DCLK1: variants seen among roughly 807,000 people sequenced by gnomAD.
DCLK1 encodes doublecortin like kinase 1.
A neutral mutation model predicts 86.2 loss-of-function variants in DCLK1; 16 were observed. The observed-to-expected ratio is 0.19, with a 90% CI of 0.13 to 0.28. DCLK1 has a LOEUF of 0.28. DCLK1 is among the 10% of genes least tolerant of loss of function. DCLK1 has a pLI of 1.00. For missense variants in DCLK1, 590 were observed against 940.2 expected (o/e 0.63, Z 4.87); for synonymous variants, 369 against 370.5 (o/e 1.00, Z 0.05).
At chr13:35,806,043 AAAG>A (rs2153102028) in intron 14 of DCLK1, among the ~76,000 whole-genome samples, 1 of 152,372 alleles carries the variant, frequency 6.6e-6, no homozygotes, top group East Asian at 1.9e-4. Flanking sequence ...TTGTAATAGA[AAAG>A]AAATTATACA....
At chr13:35,923,541 A>G (rs985172881) in intron 4 of DCLK1, among the ~76,000 whole-genome samples, 3 of 152,010 alleles carry the variant, frequency 2.0e-5, no homozygotes, top group Non-Finnish European at 2.9e-5. Context: ...TGGGGGGTAG[A>G]GAGGCTATGG....
At chr13:36,027,921 A>G (rs980090071) in intron 3 of DCLK1, among the ~76,000 whole-genome samples, 3 of 152,074 alleles carry the variant, frequency 2.0e-5, no homozygotes, top group African/African-American at 7.2e-5. Flanking sequence ...TTGCACAGAC[A>G]GGGTTTCCTG....
chr13:35,870,006 T>C (rs1307648423), intron 5 of DCLK1, among the ~76,000 whole-genome samples: 2 of 152,200 alleles, frequency 1.3e-5, no homozygotes, highest in Non-Finnish European at 2.9e-5. Context: ...TCTCATCCTT[T>C]AGCAATGCCT....
chr13:35,988,546 C>A (rs1880053754), intron 3 of DCLK1, among the ~76,000 whole-genome samples: 1 of 152,174 alleles, frequency 6.6e-6, no homozygotes. Flanking sequence ...ATTTATTATA[C>A]CATTTATGAT....
chr13:35,997,111 T>C (rs1467511740), intron 3 of DCLK1, among the ~76,000 whole-genome samples: 1 of 152,198 alleles, frequency 6.6e-6, no homozygotes, highest in African/African-American at 2.4e-5. Flanking sequence ...TCCTTTCTCT[T>C]GGGGCTACAC....
intron 3 of DCLK1, among the ~76,000 whole-genome samples, chr13:35,998,190 A>G (rs1880555219): frequency 6.6e-6 from 1 of 152,178 alleles, no homozygotes; most frequent in Non-Finnish European, 1.5e-5. Context: ...TTAGAAGAAA[A>G]ATTGACTCAC....
rs561857341 is a variant in DCLK1, at chr13:36,079,670, G to A, written c.723+32199C>T. Among the ~76,000 whole-genome samples, 3 of 152,118 alleles carry A rather than the reference G, an allele frequency of 2.0e-5. No individual in the cohort carries two copies. In the East Asian group the frequency reaches 5.8e-4, roughly 29 times the overall value. ...ATAACCTCAAGTTCTGAAGACTAGAGTACTTAGTACCAACAGCATTATCAG... is the reference window on the plus strand; with the variant it reads ...ATAACCTCAAGTTCTGAAGACTAGAATACTTAGTACCAACAGCATTATCAG... On this transcript the variant is annotated intron_variant, in intron 3 of 16. Transcript: ENST00000360631.
At chr13:35,833,560 C>T (rs978419125) in intron 8 of DCLK1, among the ~76,000 whole-genome samples, 2 of 152,158 alleles carry the variant, frequency 1.3e-5, no homozygotes, top group African/African-American at 2.4e-5. Context: ...ATGGACCTAG[C>T]TGCCAAAGAC....
intron 6 of DCLK1, chr13:35,845,857 T>C (rs1870138713): frequency 1.1e-6 from 1 of 914,358 alleles, no homozygotes; most frequent in Non-Finnish European, 1.3e-6. Context: ...AATTTCAGTG[T>C]CTACTTATCA....
At chr13:35,855,939 A>G in intron 5 of DCLK1, 1 of 813,714 alleles carries the variant, frequency 1.2e-6, no homozygotes, top group Non-Finnish European at 1.5e-6. Flanking sequence ...GGTGACTACC[A>G]GGTAATCAGG....
intron 4 of DCLK1, among the ~76,000 whole-genome samples, chr13:35,931,559 C>G (rs1876433902): frequency 1.3e-5 from 2 of 152,044 alleles, no homozygotes; most frequent in African/African-American, 4.8e-5. Context: ...ATTCTCAATG[C>G]TCTTTGAAGC....
intron 1 of DCLK1, among the ~76,000 whole-genome samples, chr13:36,127,225 T>C (rs1386040049): frequency 1.3e-5 from 2 of 152,200 alleles, no homozygotes; most frequent in African/African-American, 4.8e-5. Flanking sequence ...ACATTCAATA[T>C]TTTTAAAAGC....
Position 35,905,486 on chromosome 13 carries a change from G to A in DCLK1, c.824-34146C>T, listed in dbSNP as rs928069977. ...GCCACCTCACTTCCACAAGGTCAAA[G>A]CCCATGAGGTCAAAGCTCACACACA... On this transcript the variant is annotated intron_variant, in intron 4 of 16. Coordinates refer to ENST00000360631, the MANE Select transcript of DCLK1 (RefSeq NM_001330071.2). Among the ~76,000 whole-genome samples the A allele has an allele frequency of 1.2e-4, 19 of 152,178 alleles. No individual in the cohort carries two copies. In the East Asian group the frequency reaches 3.1e-3, roughly 25 times the overall value.
chr13:35,947,751 G>T (rs9545871), intron 3 of DCLK1, among the ~76,000 whole-genome samples: 124,738 of 152,180 alleles, frequency 0.82, 51,791 homozygotes, highest in East Asian at 0.92. Flanking sequence ...CATAATAGAG[G>T]AGGTGCAGTG....
At chr13:36,094,676 G>A (rs1041235286) in intron 3 of DCLK1, among the ~76,000 whole-genome samples, 1 of 152,160 alleles carries the variant, frequency 6.6e-6, no homozygotes, top group Non-Finnish European at 1.5e-5. Context: ...ACCCCCTAGT[G>A]GCTCCAGAGC....
chr13:36,105,480 G>A (rs1280252281), intron 3 of DCLK1, among the ~76,000 whole-genome samples: 2 of 152,074 alleles, frequency 1.3e-5, no homozygotes, highest in Non-Finnish European at 1.5e-5. Context: ...ACAATATACA[G>A]ATGATGAAAC....
chr13:36,047,436 A>G (rs1326363978), intron 3 of DCLK1, among the ~76,000 whole-genome samples: 1 of 152,184 alleles, frequency 6.6e-6, no homozygotes, highest in African/African-American at 2.4e-5. Context: ...AGTGTCAATC[A>G]ATGGATAGAT....
At chr13:35,976,094 C>G (rs1879313965) in intron 3 of DCLK1, among the ~76,000 whole-genome samples, 1 of 152,198 alleles carries the variant, frequency 6.6e-6, no homozygotes, top group Non-Finnish European at 1.5e-5. Context: ...GCAGATTGAG[C>G]TCACTGTTTT....
chr13:35,904,083 G>A (rs2153123043), intron 4 of DCLK1, among the ~76,000 whole-genome samples: 1 of 151,758 alleles, frequency 6.6e-6, no homozygotes, highest in East Asian at 1.9e-4. Flanking sequence ...TGTGTGTTAT[G>A]TGCAGAGGGG....
Sources: gnomAD v4.1 joint callset for allele counts (sites outside exome capture counted in the v4.1 genomes callset) on GRCh38, gnomAD v4.1.1 for gene constraint, MANE v1.5 for transcripts, NCBI Gene and HGNC (gene_info 2026-07-23, HGNC 2026-07-21) for gene names.